The following GPM6A variants were observed in gnomAD, a reference collection of about 807,000 sequenced individuals.
GPM6A encodes neuronal membrane glycoprotein M6-a.
In GPM6A, 7 loss-of-function variants were observed where a neutral mutation model predicts 32.1. That is an observed-to-expected ratio of 0.22 (90% confidence interval 0.12 to 0.41). The LOEUF (loss-of-function observed/expected upper bound fraction) is 0.41, where lower values mean the gene tolerates loss of function less well. Among genes scored for constraint, GPM6A ranks in the 10% least tolerant of loss-of-function variants. GPM6A has a pLI of 1.00. For synonymous variants in GPM6A, 130 were observed against 123.4 expected, an observed-to-expected ratio of 1.05 and a Z score of -0.35; for missense variants, 235 against 347.2, an observed-to-expected ratio of 0.68 and a Z score of 2.57.
intron 1 of GPM6A, among the ~76,000 whole-genome samples, chr4:175,946,929 A>C (rs531478816): frequency 6.6e-6 from 1 of 152,136 alleles, no homozygotes; most frequent in South Asian, 2.1e-4. Context: ...GGAAGCCAAA[A>C]CTGGAGATTA....
intron 1 of GPM6A, among the ~76,000 whole-genome samples, chr4:175,886,108 G>A (rs533467104): frequency 6.6e-6 from 1 of 152,164 alleles, no homozygotes; most frequent in Non-Finnish European, 1.5e-5. Context: ...ATATCAAAAG[G>A]AATAAAAGCT....
At chr4:175,709,753 A>G (rs1745428985) in intron 1 of GPM6A, among the ~76,000 whole-genome samples, 1 of 151,678 alleles carries the variant, frequency 6.6e-6, no homozygotes, top group Admixed American at 6.6e-5. Context: ...AAAAAATTCA[A>G]TGACTTAAAA....
rs192785641 is a variant in GPM6A, at chr4:175,911,232, T to C, written c.-23+91077A>G. ...TCTCTTTTGACTTGGACAAAAGGTT[T>C]ATTACCAGTTTTGGGGGCAGATGAA... On this transcript the variant is annotated intron_variant, in intron 1 of 7. Transcript: ENST00000280187. Among the ~76,000 whole-genome samples the C allele has an allele frequency of 2.8e-4, 42 of 152,246 alleles. 1 individual carries two copies. In the East Asian group the frequency reaches 7.9e-3, roughly 29 times the overall value.
At chr4:175,709,137 T>C (rs536714529) in intron 1 of GPM6A, among the ~76,000 whole-genome samples, 162 of 152,352 alleles carry the variant, frequency 1.1e-3, no homozygotes, top group African/African-American at 3.6e-3. Context: ...TTTTAAATAA[T>C]ATTTTTAATG....
chr4:175,928,794 T>G (rs1738930518), intron 1 of GPM6A, among the ~76,000 whole-genome samples: 1 of 152,224 alleles, frequency 6.6e-6, no homozygotes, highest in Non-Finnish European at 1.5e-5. Flanking sequence ...TTTGCTCTAC[T>G]TGGTTTTATA....
At chr4:175,953,933 G>A (rs1401282347) in intron 1 of GPM6A, among the ~76,000 whole-genome samples, 2 of 152,012 alleles carry the variant, frequency 1.3e-5, no homozygotes, top group African/African-American at 4.8e-5. Flanking sequence ...ACTACCATGG[G>A]AACTATTAAA....
intron 1 of GPM6A, among the ~76,000 whole-genome samples, chr4:175,716,018 TCACA>T (rs1338772703): frequency 1.3e-5 from 2 of 152,056 alleles, no homozygotes; most frequent in African/African-American, 4.8e-5. Flanking sequence ...TGAGCTGAGA[TCACA>T]CCACTGCACT....
intron 2 of GPM6A, among the ~76,000 whole-genome samples, chr4:175,689,380 T>A (rs1744167103): frequency 1.3e-5 from 2 of 152,216 alleles, no homozygotes; most frequent in African/African-American, 4.8e-5. Context: ...TTTAATTTCT[T>A]TCAAGAATGT....
chr4:175,838,090 A>AACACAC lies in GPM6A; in HGVS notation c.-22-25847_-22-25842dup, dbSNP rs763166079. The stretch of plus-strand genomic sequence containing the variant: ...TAGCCGTTCAGTAGGCCTTGGTTAA[A>AACACAC]ACACACACACACACACACACAGACA... On this transcript the variant is annotated intron_variant, in intron 1 of 7. Coordinates refer to the GPM6A transcript ENST00000280187. Among the ~76,000 whole-genome samples, 201 of 114,958 alleles carry AACACAC rather than the reference A, an allele frequency of 1.7e-3. 2 individuals carry two copies. Among genetic ancestry groups the AACACAC allele is most frequent in the South Asian group, 7.0e-3 (21 of 3,000 alleles). The allele number at this position is 114,958 out of a possible 152,430, so 75.4% of individuals were successfully genotyped here.
intron 1 of GPM6A, among the ~76,000 whole-genome samples, chr4:175,858,557 G>C (rs2111415426): frequency 6.6e-6 from 1 of 151,152 alleles, no homozygotes; most frequent in Non-Finnish European, 1.5e-5. Flanking sequence ...AAAAGCTAAA[G>C]AAAGGTGAAC....
intron 1 of GPM6A, among the ~76,000 whole-genome samples, chr4:175,872,420 C>A (rs1172489145): frequency 6.6e-6 from 1 of 152,196 alleles, no homozygotes; most frequent in African/African-American, 2.4e-5. Flanking sequence ...ATCTTGGCTT[C>A]AACCCAGGAC....
chr4:175,993,489 C>G (rs114968335), intron 1 of GPM6A, among the ~76,000 whole-genome samples: 83 of 152,152 alleles, frequency 5.5e-4, no homozygotes, highest in African/African-American at 1.8e-3. Flanking sequence ...GTTTCTTTCA[C>G]AAGGGCCTTT....
intron 5 of GPM6A, 77 bp downstream of exon 5, chr4:175,640,676 A>G (rs1468158697): frequency 1.0e-6 from 1 of 958,566 alleles, no homozygotes; most frequent in Non-Finnish European, 1.6e-6. Flanking sequence ...ATATAGATTT[A>G]GTTTTAATAC....
intron 1 of GPM6A, among the ~76,000 whole-genome samples, chr4:175,716,884 A>G (rs559198942): frequency 6.6e-6 from 1 of 152,338 alleles, no homozygotes; most frequent in Non-Finnish European, 1.5e-5. Flanking sequence ...GTATTGCTCC[A>G]AAATAATGCA....
chr4:175,952,060 A>G (rs1739833117), intron 1 of GPM6A, among the ~76,000 whole-genome samples: 1 of 152,230 alleles, frequency 6.6e-6, no homozygotes, highest in African/African-American at 2.4e-5. Context: ...CCACACAGAC[A>G]CACATTCTGC....
chr4:175,711,361 T>C (rs769698630), intron 1 of GPM6A, among the ~76,000 whole-genome samples: 1 of 131,026 alleles, frequency 7.6e-6, no homozygotes, highest in Non-Finnish European at 1.6e-5. Flanking sequence ...AAATAAAAGA[T>C]AAAGCAGGCA....
chr4:175,809,162 G>C (rs961328939), intron 1 of GPM6A, among the ~76,000 whole-genome samples: 42 of 152,118 alleles, frequency 2.8e-4, no homozygotes, highest in Non-Finnish European at 4.0e-4. Context: ...GTAAGATTTG[G>C]CAAAATGTTC....
chr4:175,715,802 C>T (rs1371528547), intron 1 of GPM6A, among the ~76,000 whole-genome samples: 3 of 151,804 alleles, frequency 2.0e-5, no homozygotes. Context: ...CATGGTGGCT[C>T]ATACTGTAAT....
chr4:175,847,970 G>C (rs10000752), intron 1 of GPM6A, among the ~76,000 whole-genome samples: 48,252 of 151,946 alleles, frequency 0.32, 7,688 homozygotes, highest in East Asian at 0.36. Flanking sequence ...CACGAATAAG[G>C]GGAAACTGCT....
Sources: allele counts gnomAD v4.1 joint callset (sites outside exome capture counted in the v4.1 genomes callset), GRCh38; gene constraint gnomAD v4.1.1; transcripts MANE v1.5; gene names NCBI Gene and HGNC (gene_info 2026-07-23, HGNC 2026-07-21).